The following SNTG2 variants were observed in gnomAD, a reference collection of about 807,000 sequenced individuals.
SNTG2 encodes syntrophin gamma 2.
SNTG2 carries 74 observed loss-of-function variants against 70.9 expected under a neutral mutation model. That is an observed-to-expected ratio of 1.04 (90% CI 0.86 to 1.27). SNTG2 has a LOEUF of 1.27. Among genes scored for constraint, SNTG2 ranks in the 50% most tolerant of loss-of-function variants. The pLI is 0.00. For synonymous variants in SNTG2, 278 were observed against 273.8 expected (o/e 1.02, Z -0.15); for missense variants, 717 against 690.7 (o/e 1.04, Z -0.43).
At chr2:1,117,001 G>A (rs1667053064) in intron 4 of SNTG2, among the ~76,000 whole-genome samples, 2 of 149,030 alleles carry the variant, frequency 1.3e-5, no homozygotes, top group Admixed American at 6.7e-5. Context: ...TGGTGTACGA[G>A]TGCCCTGGTG....
chr2:1,245,313 C>T (rs1007645352), intron 11 of SNTG2, among the ~76,000 whole-genome samples: 10 of 152,022 alleles, frequency 6.6e-5, no homozygotes, highest in Non-Finnish European at 1.5e-5. Context: ...TCCTCAAGAG[C>T]TTTAGCAAGG....
chr2:1,085,487 A>G (rs912980543), intron 2 of SNTG2, among the ~76,000 whole-genome samples: 20 of 152,186 alleles, frequency 1.3e-4, no homozygotes, highest in Admixed American at 2.6e-4. Flanking sequence ...TTGTATTCCC[A>G]CCTGCACATT....
At chr2:1,297,540 G>T (rs1450220451) in intron 14 of SNTG2, among the ~76,000 whole-genome samples, 1 of 150,528 alleles carries the variant, frequency 6.6e-6, no homozygotes, top group Admixed American at 6.6e-5. Context: ...CACCTCTGCA[G>T]CTCCTTCCCA....
Position 987,186 on chromosome 2 carries a change from C to A in SNTG2, c.72+36118C>A, listed in dbSNP as rs570590244. 2.6e-5 allele frequency among the ~76,000 whole-genome samples: 4 copies of A among 152,244 alleles called. No individual in the cohort carries two copies. In the South Asian group the frequency reaches 6.2e-4, roughly 24 times the overall value. ...TCAGGTCCCGGAAACGCTGTAGGAA[C>A]TTAGAGGAGATGGAGCTTTTGGAGC... On this transcript the variant is annotated intron_variant, in intron 1 of 16. Transcript: ENST00000308624.
At chr2:973,379 T>G (rs1334812471) in intron 1 of SNTG2, among the ~76,000 whole-genome samples, 1 of 152,164 alleles carries the variant, frequency 6.6e-6, no homozygotes, top group African/African-American at 2.4e-5. Flanking sequence ...TCAACTACTT[T>G]CAGGGAGTTT....
chr2:1,296,712 T>G (rs755850007), intron 14 of SNTG2, among the ~76,000 whole-genome samples: 1 of 152,206 alleles, frequency 6.6e-6, no homozygotes, highest in Non-Finnish European at 1.5e-5. Context: ...TGCCTTTGTG[T>G]AGGAACCTGC....
chr2:1,204,283 C>T (rs1206608415), intron 8 of SNTG2, among the ~76,000 whole-genome samples: 3 of 152,130 alleles, frequency 2.0e-5, no homozygotes, highest in Admixed American at 6.5e-5. Context: ...AAAATCTGCA[C>T]GTTATTGTAT....
intron 16 of SNTG2, among the ~76,000 whole-genome samples, chr2:1,317,970 A>G (rs1681365623): frequency 6.6e-6 from 1 of 152,256 alleles, no homozygotes; most frequent in Admixed American, 6.5e-5. Flanking sequence ...ACCAGAAGTC[A>G]AAATTTAAAG....
chr2:1,073,482 G>A (rs544729995), intron 1 of SNTG2, among the ~76,000 whole-genome samples: 4 of 152,188 alleles, frequency 2.6e-5, no homozygotes, highest in African/African-American at 4.8e-5. Context: ...TGTTTTATAC[G>A]TAATGCTATT....
At chr2:1,092,973 C>A (rs1665133034) in intron 2 of SNTG2, among the ~76,000 whole-genome samples, 1 of 152,176 alleles carries the variant, frequency 6.6e-6, no homozygotes, top group Admixed American at 6.5e-5. Context: ...GCAGGATTGA[C>A]TTTGAAAATA....
intron 1 of SNTG2, among the ~76,000 whole-genome samples, chr2:1,044,741 T>A (rs772713863): frequency 1.8e-4 from 27 of 152,208 alleles, no homozygotes; most frequent in Non-Finnish European, 3.5e-4. Flanking sequence ...GGATAAAGCC[T>A]ACTTGATAGT....
chr2:1,012,847 T>A (rs186040948), intron 1 of SNTG2, among the ~76,000 whole-genome samples: 3 of 48,510 alleles, frequency 6.2e-5, no homozygotes, highest in African/African-American at 2.1e-4. Context: ...AGGATTTATA[T>A]GGGCAGAGAG....
chr2:1,147,497 A>C (rs936398915), intron 6 of SNTG2, among the ~76,000 whole-genome samples: 1 of 152,172 alleles, frequency 6.6e-6, no homozygotes, highest in African/African-American at 2.4e-5. Flanking sequence ...TGAACATCAG[A>C]CTTCAAGTTC....
intron 16 of SNTG2, among the ~76,000 whole-genome samples, chr2:1,348,618 A>G (rs1470483461): frequency 6.6e-6 from 1 of 152,130 alleles, no homozygotes. Context: ...AACCAAACCA[A>G]TGTATTTCTT....
At chr2:1,124,576 G>A (rs1307173146) in intron 4 of SNTG2, among the ~76,000 whole-genome samples, 3 of 152,088 alleles carry the variant, frequency 2.0e-5, no homozygotes, top group Admixed American at 6.6e-5. Flanking sequence ...GATTACAGGC[G>A]TGAGCCACCG....
intron 1 of SNTG2, among the ~76,000 whole-genome samples, chr2:1,077,015 T>C (rs977662924): frequency 3.9e-5 from 6 of 152,250 alleles, no homozygotes; most frequent in Non-Finnish European, 8.8e-5. Context: ...CTTCTGCTTT[T>C]CACACATGCT....
intron 1 of SNTG2, among the ~76,000 whole-genome samples, chr2:1,020,490 A>G (rs929324286): frequency 6.6e-6 from 1 of 152,206 alleles, no homozygotes; most frequent in Non-Finnish European, 1.5e-5. Flanking sequence ...CCCACTCAGC[A>G]TCTGCACTGT....
At chr2:1,042,471 C>A (rs1275712787) in intron 1 of SNTG2, among the ~76,000 whole-genome samples, 4 of 152,106 alleles carry the variant, frequency 2.6e-5, no homozygotes, top group Non-Finnish European at 5.9e-5. Flanking sequence ...TATTTTGTCA[C>A]TCAGGTAATA....
At chr2:1,291,015 G>A (rs1221857265) in intron 14 of SNTG2, among the ~76,000 whole-genome samples, 2 of 152,164 alleles carry the variant, frequency 1.3e-5, no homozygotes, top group East Asian at 3.8e-4. Context: ...ATTTTCTGTT[G>A]TATTTGCTTG....
Sources: gnomAD v4.1 joint callset for allele counts (sites outside exome capture counted in the v4.1 genomes callset) on GRCh38, gnomAD v4.1.1 for gene constraint, MANE v1.5 for transcripts, NCBI Gene and HGNC (gene_info 2026-07-23, HGNC 2026-07-21) for gene names.